Variants in SRGAP1 observed in about 807,000 individuals in gnomAD.
The protein encoded by SRGAP1 is SLIT-ROBO Rho GTPase-activating protein 1.
Under a neutral mutation model 121.9 loss-of-function variants are expected in SRGAP1, and 43 were observed. The observed-to-expected ratio is 0.35, with a 90% CI of 0.28 to 0.46. SRGAP1 has a LOEUF of 0.46. Ranked by LOEUF, SRGAP1 falls within the 20% of genes least tolerant of loss-of-function variation. The probability of loss-of-function intolerance (pLI) is 1.00; values close to 1 mark genes in which losing one functional copy is unlikely to be tolerated. For missense variants in SRGAP1, 1,102 were observed against 1,350.9 expected, an observed-to-expected ratio of 0.82 and a Z score of 2.89; for synonymous variants, 447 against 485.4, an observed-to-expected ratio of 0.92 and a Z score of 1.04.
intron 6 of SRGAP1, among the ~76,000 whole-genome samples, chr12:64,049,225 A>G (rs940446843): frequency 6.6e-6 from 1 of 152,164 alleles, no homozygotes; most frequent in Non-Finnish European, 1.5e-5. Context: ...GCATACGGGT[A>G]TCCAACTTTC....
chr12:64,030,217 A>G (rs533501191), intron 4 of SRGAP1, among the ~76,000 whole-genome samples: 1 of 152,342 alleles, frequency 6.6e-6, no homozygotes, highest in East Asian at 1.9e-4. Context: ...TAGCAATAGA[A>G]CATTAATTAA....
At chr12:64,137,060 T>C (rs1000181492) in intron 21 of SRGAP1, among the ~76,000 whole-genome samples, 1 of 152,106 alleles carries the variant, frequency 6.6e-6, no homozygotes, top group African/African-American at 2.4e-5. Flanking sequence ...GGTCAGCAGT[T>C]TGAGACCAGC....
chr12:64,001,239 C>A lies in SRGAP1; in HGVS notation c.426+11167C>A, dbSNP rs80302397. ...GGACAATTGAAGGAAAGTTACAACT[C>A]CAAAATTCTAGATACAACCAAGTTG... On this transcript the variant is annotated intron_variant, in intron 3 of 21. Transcript: ENST00000355086. Among the ~76,000 whole-genome samples, 803 of 152,238 alleles carry A rather than the reference C, an allele frequency of 5.3e-3. 6 individuals are homozygous for A. Among genetic ancestry groups the A allele is most frequent in the African/African-American group, 0.017 (717 of 41,532 alleles).
At chr12:64,141,744 G>A (rs570012244) in intron 21 of SRGAP1, among the ~76,000 whole-genome samples, 20 of 152,226 alleles carry the variant, frequency 1.3e-4, no homozygotes, top group Admixed American at 7.2e-4. Context: ...TTGAGCCCAG[G>A]AGTTCAAGAC....
chr12:64,049,362 C>G (rs903943284), intron 6 of SRGAP1, among the ~76,000 whole-genome samples: 1 of 152,174 alleles, frequency 6.6e-6, no homozygotes, highest in Admixed American at 6.5e-5. Context: ...ACTCACAGTT[C>G]CACATGGCTG....
rs535718454 is a variant in SRGAP1, at chr12:64,098,880, A to G, written c.1813+1505A>G. ...GCCTATGCTGTTTCCTCAGCTGTCC[A>G]TGATAACCATTCAACATCTGCTGTG... is the stretch of plus-strand genomic sequence containing the variant. On this transcript the variant is annotated intron_variant, in intron 15 of 21. Transcript: ENST00000355086. 3.1e-4 allele frequency among the ~76,000 whole-genome samples: 47 copies of G among 152,276 alleles called. 1 individual carries two copies. The highest frequency in any genetic ancestry group is 1.1e-3 in the African/African-American group (45 of 41,560).
At position 64,126,022 on chromosome 12, in the gene SRGAP1, G is replaced by A. The variant is rs758022220; in HGVS notation, c.2270G>A (p.Arg757Gln). Residue 757 changes from arginine to glutamine, a missense_variant, in exon 19 of 22, where the codon CGG (arginine) becomes CAG (glutamine). Arg to Gln is a conservative substitution (Grantham distance 43, BLOSUM62 1). Transcript: ENST00000355086. ...ATAGCCAAGTTTGACTATGTTGGGC[G>A]GTCTGCCAGAGAACTATCCTTCAAG... Reference protein sequence around the residue: ...EAIAKFDYVGRSARELSFKKG... With the variant: ...EAIAKFDYVGQSARELSFKKG... The A allele has an allele frequency of 1.7e-5, 28 of 1,613,986 alleles. 1 individual carries two copies. The highest frequency in any genetic ancestry group is 2.4e-5 in the Non-Finnish European group (28 of 1,179,990).
intron 3 of SRGAP1, 58 bp from the exon 4 acceptor site, chr12:64,016,892 G>C (rs2034417529): frequency 2.3e-5 from 22 of 947,226 alleles, no homozygotes; most frequent in Non-Finnish European, 3.5e-5. Flanking sequence ...TTTTCAGTTA[G>C]TGGACTTTTT....
In SRGAP1 at chr12:63,968,794, A is replaced by C. The variant is rs371761214; in HGVS notation, c.68-15153A>C. 6.8e-4 allele frequency among the ~76,000 whole-genome samples: 104 copies of C among 152,358 alleles called. 2 individuals carry two copies. In the South Asian group the frequency reaches 7.9e-3, roughly 12 times the overall value. On this transcript the variant is annotated intron_variant, in intron 1 of 21. Coordinates refer to ENST00000355086, the MANE Select transcript of SRGAP1 (RefSeq NM_020762.4). ...GTGCTGTGCTGTTGGCATTCAGGAG[A>C]GCCCTAGTCTAGGAGACTGGGCCTG...
intron 18 of SRGAP1, among the ~76,000 whole-genome samples, chr12:64,124,176 T>C (rs1275701975): frequency 7.9e-5 from 12 of 152,250 alleles, no homozygotes; most frequent in Admixed American, 7.8e-4. Flanking sequence ...CTTTTTAATA[T>C]GTTTGTTGGT....
At chr12:63,958,207 C>T (rs554453765) in intron 1 of SRGAP1, among the ~76,000 whole-genome samples, 1 of 152,314 alleles carries the variant, frequency 6.6e-6, no homozygotes, top group African/African-American at 2.4e-5. Context: ...CACCCTGGCA[C>T]CCAGTGGTAT....
At chr12:64,096,353 CA>C (rs1197530867) in intron 14 of SRGAP1, among the ~76,000 whole-genome samples, 2 of 151,760 alleles carry the variant, frequency 1.3e-5, no homozygotes, top group African/African-American at 4.8e-5. Context: ...CCCTAAGAAG[CA>C]AAAAAATACG....
chr12:64,136,128 AT>A, intron 21 of SRGAP1, among the ~76,000 whole-genome samples: 1 of 152,308 alleles, frequency 6.6e-6, no homozygotes, highest in Middle Eastern at 3.4e-3. Context: ...ACTAACTCCA[AT>A]GTTAATGTCC....
At chr12:64,141,041 A>T (rs1206281520) in intron 21 of SRGAP1, among the ~76,000 whole-genome samples, 1 of 131,544 alleles carries the variant, frequency 7.6e-6, no homozygotes, top group Non-Finnish European at 1.6e-5. Context: ...CAAACACCGC[A>T]TATTCTCACT....
At chr12:63,899,969 C>T (rs1395522003) in intron 1 of SRGAP1, among the ~76,000 whole-genome samples, 2 of 152,104 alleles carry the variant, frequency 1.3e-5, no homozygotes, top group African/African-American at 2.4e-5. Context: ...AGGCATGTTA[C>T]TGTCAAAAAA....
intron 21 of SRGAP1, among the ~76,000 whole-genome samples, chr12:64,139,633 G>A (rs1474598608): frequency 4.6e-5 from 7 of 151,748 alleles, no homozygotes; most frequent in Admixed American, 4.6e-4. Flanking sequence ...TGTAGATTCT[G>A]GATATTAGCC....
chr12:64,149,277 T>G lies in SRGAP1; in HGVS notation c.*6605T>G, dbSNP rs893181773. ...TCAAAGGCAAGGATACTTTTCTTTC[T>G]TTCCAAAAAAGCACTGTCTGATATG... On this transcript the variant is annotated 3_prime_UTR_variant, in exon 22 of 22. Coordinates refer to ENST00000355086, the MANE Select transcript of SRGAP1 (RefSeq NM_020762.4). 1 of 152,160 alleles carries G rather than the reference T, an allele frequency of 6.6e-6. No homozygotes were observed. Among genetic ancestry groups the G allele is most frequent in the Admixed American group, 6.5e-5 (1 of 15,274 alleles). 9.4% of individuals were successfully genotyped at this position (152,160 alleles called of 1,614,324 possible).
intron 9 of SRGAP1, 108 bp downstream of exon 9, chr12:64,079,224 G>A: frequency 8.5e-7 from 1 of 1,179,550 alleles, no homozygotes; most frequent in Non-Finnish European, 1.2e-6. Context: ...TGTTAAAATA[G>A]ACTCCTGTCT....
intron 3 of SRGAP1, among the ~76,000 whole-genome samples, chr12:63,991,839 A>G (rs2033563768): frequency 2.0e-5 from 3 of 152,204 alleles, no homozygotes; most frequent in Non-Finnish European, 4.4e-5. Flanking sequence ...TTATCCATTC[A>G]ACAAAGCATC....
Sources: gnomAD v4.1 joint callset for allele counts (sites outside exome capture counted in the v4.1 genomes callset) on GRCh38, gnomAD v4.1.1 for gene constraint, MANE v1.5 for transcripts, NCBI Gene and HGNC (gene_info 2026-07-23, HGNC 2026-07-21) for gene names.